The following SLC22A31 variants were observed in gnomAD, a reference collection of about 807,000 sequenced individuals.
SLC22A31 encodes the protein solute carrier family 22 member 31.
In SLC22A31, 42 loss-of-function variants were observed where a neutral mutation model predicts 27.4. The observed-to-expected ratio is 1.53, with a 90% CI of 1.20 to 1.98. The LOEUF (loss-of-function observed/expected upper bound fraction) is 1.98. SLC22A31 is among the 30% of genes most tolerant of loss of function. SLC22A31 has a pLI of 0.00. For missense variants in SLC22A31, 593 were observed against 479.9 expected, an observed-to-expected ratio of 1.24 and a Z score of -2.20; for synonymous variants, 290 against 230.8, an observed-to-expected ratio of 1.26 and a Z score of -2.33.
chr16:89,199,037 C>G lies in SLC22A31; in HGVS notation c.438G>C (p.Leu146Phe). 1 of 1,535,596 alleles carries G rather than the reference C, an allele frequency of 6.5e-7. No individual in the cohort carries two copies. The highest frequency in any genetic ancestry group is 1.2e-5 in the South Asian group (1 of 84,018). Residue 146 changes from leucine (L) to phenylalanine (F), a missense_variant, in exon 4 of 9, where the codon TTG becomes TTC. Transcript: ENST00000682282. The stretch of plus-strand genomic sequence containing the variant: ...ACCACACTTACCCCCAAAAGAGCAG[C>G]AAGAGTCCACTCATCAGGGCACCCA... ...QGLGALMSGLLLLFWGFPALF... is the reference protein window; with the variant it reads ...QGLGALMSGLFLLFWGFPALF...
upstream of SLC22A31, among the ~76,000 whole-genome samples, chr16:89,200,667 G>C (rs1452386689): frequency 6.6e-6 from 1 of 152,164 alleles, no homozygotes; most frequent in African/African-American, 2.4e-5. Flanking sequence ...ATGGGGGATG[G>C]GGGCCTCGGG....
intron 3 of SLC22A31, 60 bp downstream of exon 3, chr16:89,199,351 TCA>T: frequency 1.4e-6 from 1 of 726,566 alleles, no homozygotes; most frequent in East Asian, 2.7e-5. Context: ...CAAGGGAGCC[TCA>T]GAGGCCTGCG....
rs1489929263 is a variant in SLC22A31 at position 89,195,952 on chromosome 16, G to C, written c.*47C>G. On this transcript the variant is annotated 3_prime_UTR_variant, in exon 9 of 9. Transcript: ENST00000682282. ...GTCTGGGGTACTCAGCCATGCCCCA[G>C]GCCTTGACTTTGGTCCCATCCTGGC... is the stretch of plus-strand genomic sequence containing the variant. 3 of 1,451,740 alleles carry C rather than the reference G, an allele frequency of 2.1e-6. No individual in the cohort carries two copies. Among genetic ancestry groups the C allele is most frequent in the African/African-American group, 1.4e-5 (1 of 70,402 alleles). The allele number at this position is 1,451,740 out of a possible 1,614,324, so 89.9% of individuals were successfully genotyped here.
Position 89,198,150 on chromosome 16 carries a change from T to C in SLC22A31, c.894A>G (p.Ala298=), listed in dbSNP as rs956088875. 14 of 1,534,532 alleles carry C rather than the reference T, an allele frequency of 9.1e-6. No individual in the cohort carries two copies. The highest frequency in any genetic ancestry group is 1.9e-4 in the Middle Eastern group (1 of 5,170). The change falls in exon 7 of 9, where the codon GCA becomes GCG. Residue 298 remains alanine (A), a synonymous_variant. Coordinates refer to ENST00000682282, the MANE Select transcript of SLC22A31 (RefSeq NM_001384763.1). ...LLLGTMVTGL[A]SLLLLAGAQY... ...GGGCCCCAGCGAGGAGCAGCAGGGA[T>C]GCCAGGCCTGTGACCATGGTGCCCA...
Position 89,198,396 on chromosome 16 carries a change from C to T in SLC22A31, c.707+46G>A, listed in dbSNP as rs997635506. The T allele has an allele frequency of 1.9e-5, 29 of 1,529,502 alleles. No individual in the cohort carries two copies. In the Admixed American group the frequency reaches 5.7e-4, roughly 30 times the overall value. The allele number at this position is 1,529,502 out of a possible 1,614,324, so 94.7% of individuals were successfully genotyped here. ...AGCCGGGGACTCTGGGGACCATATG[C>T]CCACCCCGGGGGATGGTGCAGGACC... On this transcript the variant is annotated intron_variant, in intron 6 of 8. Transcript: ENST00000682282.
At chr16:89,197,448 A>T in intron 7 of SLC22A31, 39 bp from the exon 8 acceptor site, 1 of 1,460,868 alleles carries the variant, frequency 6.8e-7, no homozygotes, top group Non-Finnish European at 9.3e-7. Flanking sequence ...CTCTCTCCCC[A>T]GGCCTTCCAC....
In SLC22A31 at chr16:89,198,798, C is replaced by G; in HGVS notation, c.453-1G>C. The G allele has an allele frequency of 6.5e-7, 1 of 1,528,518 alleles. No individual in the cohort carries two copies. The highest frequency in any genetic ancestry group is 8.8e-7 in the Non-Finnish European group (1 of 1,140,948). 94.7% of individuals were successfully genotyped at this position (1,528,518 alleles called of 1,614,324 possible). A position where few individuals can be genotyped will look rare whatever the true frequency, so the allele number is the denominator to read the frequency against. Reference sequence around the variant, plus strand: ...AGACTCGGGGAACAGGGCCGGGAACCTGCAGCGTTGGTGAGGATGCCCACG... The same window carrying G: ...AGACTCGGGGAACAGGGCCGGGAACGTGCAGCGTTGGTGAGGATGCCCACG... On this transcript the variant is annotated splice_acceptor_variant, in intron 4 of 8. Coordinates refer to ENST00000682282, the MANE Select transcript of SLC22A31 (RefSeq NM_001384763.1). LOFTEE classifies it high-confidence loss of function.
intron 8 of SLC22A31, 35 bp from the exon 9 acceptor site, chr16:89,196,340 C>T: frequency 1.9e-6 from 2 of 1,062,198 alleles, no homozygotes; most frequent in South Asian, 1.7e-5. Flanking sequence ...CAGCCAGCCT[C>T]CTGGCCCAGG....
Position 89,198,208 on chromosome 16 carries a change from G to A in SLC22A31, c.836C>T (p.Ala279Val). 6.5e-7 allele frequency: 1 copy of A among 1,535,878 alleles called. No individual in the cohort carries two copies. Among genetic ancestry groups the A allele is most frequent in the Non-Finnish European group, 8.7e-7 (1 of 1,146,872 alleles). The change falls in exon 7 of 9, where the codon GCA becomes GTA. Residue 279 changes from alanine (A) to valine (V), a missense_variant. By Grantham distance (64) the Ala-to-Val change is moderately conservative (BLOSUM62 0). Transcript: ENST00000682282. ...CACGGGGCGGCGTCCACAGCAATCT[G>A]CCGTCAGGAGCAGGAAGACCAAGGC... ...AAALVFLLLT[A>V]DCCGRRPVLL...
chr16:89,201,401 G>C (rs1037705493), upstream of SLC22A31: 2 of 370,614 alleles, frequency 5.4e-6, no homozygotes, highest in African/African-American at 4.2e-5. Flanking sequence ...GGTAGCGCAG[G>C]AGCAGGCAGG....
chr16:89,199,249 T>A lies in SLC22A31; in HGVS notation c.284-58A>T, dbSNP rs371969784. 4 of 1,445,382 alleles carry A rather than the reference T, an allele frequency of 2.8e-6. No homozygotes were observed. The East Asian group carries it at 1.0e-4, about 36-fold the overall frequency. 89.5% of individuals were successfully genotyped at this position (1,445,382 alleles called of 1,614,324 possible). A position where few individuals can be genotyped will look rare whatever the true frequency, so the allele number is the denominator to read the frequency against. ...CTCGGGGAGGACTGGAACAGTTCCA[T>A]TGGGAACTGCGGGGACCTATTGGTG... On this transcript the variant is annotated intron_variant, in intron 3 of 8. Coordinates refer to ENST00000682282, the MANE Select transcript of SLC22A31 (RefSeq NM_001384763.1).
intron 8 of SLC22A31, among the ~76,000 whole-genome samples, chr16:89,197,042 G>A (rs909254183): frequency 1.3e-5 from 2 of 151,074 alleles, no homozygotes; most frequent in Non-Finnish European, 3.0e-5. Flanking sequence ...CCCCCACCCC[G>A]CACTCCTGGC....
At chr16:89,196,502 G>T in intron 8 of SLC22A31, 197 bp from the exon 9 acceptor site, 4 of 1,002,002 alleles carry the variant, frequency 4.0e-6, no homozygotes, top group Non-Finnish European at 5.6e-6. Flanking sequence ...CAGCTGGTGG[G>T]GCAACAGATT....
In SLC22A31 at chr16:89,198,514, C is replaced by G. The variant is rs984116803; in HGVS notation, c.635G>C (p.Arg212Pro). 4.4e-5 allele frequency: 67 copies of G among 1,512,702 alleles called. No individual in the cohort carries two copies. Among genetic ancestry groups the G allele is most frequent in the Non-Finnish European group, 5.6e-5 (63 of 1,133,528 alleles). The allele number at this position is 1,512,702 out of a possible 1,614,324, so 93.7% of individuals were successfully genotyped here. A position where few individuals can be genotyped will look rare whatever the true frequency, so the allele number is the denominator to read the frequency against. ...CAGAAGCCCCAGTGGGGAGTGGTAC[C>G]GGGGCTGGGGGCTCCGTGCAGACAG... ...TMLSARSPQPRYHSPLGLLRT... is the reference protein window; with the variant it reads ...TMLSARSPQPPYHSPLGLLRT... The change falls in exon 6 of 9, where the codon CGG (arginine) becomes CCG (proline). Residue 212 changes from arginine (R) to proline (P), a missense_variant. Transcript: ENST00000682282.
At chr16:89,201,621 C>G, upstream of SLC22A31, 1 of 398,388 alleles carries the variant, frequency 2.5e-6, no homozygotes, top group East Asian at 3.6e-5. Context: ...CCGGGCCCGG[C>G]CAAAGCCGCC....
At position 89,196,277 on chromosome 16, in the gene SLC22A31, C is replaced by T. The variant is rs550240422; in HGVS notation, c.1063G>A (p.Ala355Thr). ...RGAGLGLVLG[A>T]GFLGQAAGPL... Reference sequence around the variant, plus strand: ...CCGGCTGCCTGGCCCAGGAACCCGGCCCCCAGCACCAGGCCCAGCCCGGCC... The same window carrying T: ...CCGGCTGCCTGGCCCAGGAACCCGGTCCCCAGCACCAGGCCCAGCCCGGCC... Residue 355 changes from alanine to threonine, a missense_variant, in exon 9 of 9, where the codon GCC becomes ACC. Coordinates refer to ENST00000682282, the MANE Select transcript of SLC22A31 (RefSeq NM_001384763.1). The T allele has an allele frequency of 3.3e-6, 5 of 1,527,958 alleles. No individual in the cohort carries two copies. In the East Asian group the frequency reaches 1.2e-4, roughly 37 times the overall value. 94.7% of individuals were successfully genotyped at this position (1,527,958 alleles called of 1,614,324 possible). A position where few individuals can be genotyped will look rare whatever the true frequency, so the allele number is the denominator to read the frequency against.
At chr16:89,201,205 G>C (rs1400863216), upstream of SLC22A31, 2 of 376,074 alleles carry the variant, frequency 5.3e-6, no homozygotes, top group Non-Finnish European at 9.5e-6. Context: ...AGGACACCCA[G>C]GGCCTCGGCG....
chr16:89,201,003 C>T (rs899224668), upstream of SLC22A31: 5 of 351,106 alleles, frequency 1.4e-5, no homozygotes, highest in African/African-American at 1.1e-4. Flanking sequence ...CGGCTCCAAT[C>T]CTCCAGCGCC....
rs565200064 is a variant in SLC22A31, at chr16:89,198,301, C to T, written c.743G>A (p.Arg248His). 7.7e-4 allele frequency: 1,183 copies of T among 1,535,918 alleles called. 5 individuals are homozygous for T. The Middle Eastern group carries it at 0.011, about 15-fold the overall frequency. Residue 248 changes from arginine to histidine, a missense_variant, in exon 7 of 9, where the codon CGC becomes CAC. Arg to His is a conservative substitution (Grantham distance 29). Transcript: ENST00000682282. Reference protein sequence around the residue: ...VGGGIRASFRRSLAPQVPTFY... With the variant: ...VGGGIRASFRHSLAPQVPTFY... ...GGTCGGCACCTGAGGTGCCAGGCTG[C>T]GGCGGAAGCTAGCTCTGATGCCTCC...
Sources: allele counts gnomAD v4.1 joint callset (sites outside exome capture counted in the v4.1 genomes callset), GRCh38; gene constraint gnomAD v4.1.1; transcripts MANE v1.5; gene names NCBI Gene and HGNC (gene_info 2026-07-23, HGNC 2026-07-21).